TMEM132D: variants seen among roughly 807,000 people sequenced by gnomAD.
TMEM132D encodes transmembrane protein 132D.
A neutral mutation model predicts 62.3 loss-of-function variants in TMEM132D; 21 were observed. That is an observed-to-expected ratio of 0.34 (90% confidence interval 0.24 to 0.49). The LOEUF is 0.49. TMEM132D is among the 20% of genes least tolerant of loss of function. The pLI is 0.99. For synonymous variants in TMEM132D, 621 were observed against 575.6 expected, an observed-to-expected ratio of 1.08 and a Z score of -1.13; for missense variants, 1,346 against 1,402.8, an observed-to-expected ratio of 0.96 and a Z score of 0.65.
At chr12:129,471,140 C>T (rs1049586790) in intron 3 of TMEM132D, among the ~76,000 whole-genome samples, 19 of 151,814 alleles carry the variant, frequency 1.3e-4, no homozygotes, top group Admixed American at 3.9e-4. Context: ...ATTAGGAATC[C>T]TAATTAGGCT....
At chr12:129,203,649 T>C (rs1878767246) in intron 5 of TMEM132D, among the ~76,000 whole-genome samples, 3 of 152,218 alleles carry the variant, frequency 2.0e-5, no homozygotes, top group Non-Finnish European at 4.4e-5. Flanking sequence ...CATCTGGATG[T>C]CTGGGCAGGG....
intron 4 of TMEM132D, chr12:129,262,496 T>C (rs1359216717): frequency 6.6e-6 from 1 of 152,242 alleles, no homozygotes; most frequent in African/African-American, 2.4e-5. Context: ...TGTGGGACTC[T>C]GGAGAGCACG....
intron 3 of TMEM132D, among the ~76,000 whole-genome samples, chr12:129,450,838 C>G (rs990922879): frequency 2.1e-5 from 3 of 144,272 alleles, no homozygotes; most frequent in Non-Finnish European, 3.0e-5. Flanking sequence ...CTCACTGCAA[C>G]TTCTGCCTCT....
intron 1 of TMEM132D, among the ~76,000 whole-genome samples, chr12:129,799,233 C>T (rs547560639): frequency 6.6e-6 from 1 of 152,062 alleles, no homozygotes; most frequent in Non-Finnish European, 1.5e-5. Context: ...CCACTGCACT[C>T]CAGCCTGGGC....
intron 4 of TMEM132D, among the ~76,000 whole-genome samples, chr12:129,267,875 T>C (rs1014922183): frequency 6.6e-6 from 1 of 152,042 alleles, no homozygotes; most frequent in Non-Finnish European, 1.5e-5. Context: ...TCAGAAATAA[T>C]GCTGCATATC....
At chr12:129,280,945 T>G (rs1181423424) in intron 4 of TMEM132D, among the ~76,000 whole-genome samples, 1 of 152,064 alleles carries the variant, frequency 6.6e-6, no homozygotes, top group Non-Finnish European at 1.5e-5. Context: ...GCTGGTAATA[T>G]CTAAGGTCAT....
At chr12:129,379,313 C>A (rs1206465795) in intron 3 of TMEM132D, among the ~76,000 whole-genome samples, 2 of 152,096 alleles carry the variant, frequency 1.3e-5, no homozygotes, top group African/African-American at 4.8e-5. Flanking sequence ...ACAGCAGTGC[C>A]TGTCTCCTAG....
intron 5 of TMEM132D, among the ~76,000 whole-genome samples, chr12:129,186,616 G>T (rs1878229313): frequency 6.6e-6 from 1 of 152,126 alleles, no homozygotes; most frequent in Non-Finnish European, 1.5e-5. Context: ...GTTCAAGCTT[G>T]GGCATACGAC....
At chr12:129,190,139 G>A (rs1450073725) in intron 5 of TMEM132D, among the ~76,000 whole-genome samples, 1,003 of 53,676 alleles carry the variant, frequency 0.019, 103 homozygotes, top group Middle Eastern at 0.032. Flanking sequence ...CAGATGGAGG[G>A]AGGGGGTCTC....
chr12:129,594,197 G>C (rs955679074), intron 2 of TMEM132D, among the ~76,000 whole-genome samples: 3 of 152,140 alleles, frequency 2.0e-5, no homozygotes, highest in Non-Finnish European at 4.4e-5. Flanking sequence ...CAGAAGTGGG[G>C]TTAAAAGCTT....
At chr12:129,403,848 T>G (rs1871692303) in intron 3 of TMEM132D, among the ~76,000 whole-genome samples, 1 of 152,084 alleles carries the variant, frequency 6.6e-6, no homozygotes, top group Non-Finnish European at 1.5e-5. Flanking sequence ...AGCAAAGACC[T>G]AAATGAGGTG....
intron 1 of TMEM132D, among the ~76,000 whole-genome samples, chr12:129,742,272 C>T (rs1472887341): frequency 6.6e-6 from 1 of 152,178 alleles, no homozygotes; most frequent in Admixed American, 6.5e-5. Context: ...GCCAGCTGTG[C>T]AAGTATGGTA....
At chr12:129,454,365 A>T (rs1453566004) in intron 3 of TMEM132D, among the ~76,000 whole-genome samples, 1 of 152,210 alleles carries the variant, frequency 6.6e-6, no homozygotes, top group Non-Finnish European at 1.5e-5. Context: ...GTGGGAACCA[A>T]AGCCAACAGG....
intron 2 of TMEM132D, among the ~76,000 whole-genome samples, chr12:129,599,695 C>A (rs7312176): frequency 0.066 from 10,120 of 152,212 alleles, 411 homozygotes; most frequent in South Asian, 0.17. Context: ...CAAATATCAC[C>A]ATAAAGTGAG....
At chr12:129,635,154 TC>T (rs576646520) in intron 2 of TMEM132D, among the ~76,000 whole-genome samples, 99 of 152,382 alleles carry the variant, frequency 6.5e-4, no homozygotes, top group African/African-American at 2.3e-3. Flanking sequence ...TCCCTCGCTG[TC>T]CCAGCATCCA....
At chr12:129,655,989 C>T (rs1593107619) in intron 2 of TMEM132D, among the ~76,000 whole-genome samples, 1 of 152,128 alleles carries the variant, frequency 6.6e-6, no homozygotes, top group South Asian at 2.1e-4. Flanking sequence ...CAGGCGTCAA[C>T]GTTACTAGAG....
chr12:129,350,422 G>A (rs1054725170), intron 3 of TMEM132D, among the ~76,000 whole-genome samples: 1 of 152,158 alleles, frequency 6.6e-6, no homozygotes, highest in Admixed American at 6.5e-5. Flanking sequence ...CACTTATCTC[G>A]AATTCAGCCT....
At chr12:129,398,849 TCCATCCATCCATCCATCC>T (rs1444991259) in intron 3 of TMEM132D, among the ~76,000 whole-genome samples, 11 of 130,050 alleles carry the variant, frequency 8.5e-5, no homozygotes, top group African/African-American at 4.5e-4. Flanking sequence ...CATCCATCCA[TCCATCCATCCATCCATCC>T]ATCCATCCAT....
chr12:129,743,452 A>G (rs1869671590), intron 1 of TMEM132D, among the ~76,000 whole-genome samples: 1 of 152,166 alleles, frequency 6.6e-6, no homozygotes, highest in Non-Finnish European at 1.5e-5. Flanking sequence ...TCCCGCCACC[A>G]TGTGAAGAAG....
Sources: gnomAD v4.1 joint callset for allele counts (sites outside exome capture counted in the v4.1 genomes callset) on GRCh38, gnomAD v4.1.1 for gene constraint, MANE v1.5 for transcripts, NCBI Gene and HGNC (gene_info 2026-07-23, HGNC 2026-07-21) for gene names.